The following PDE1A variants were observed in gnomAD, a reference collection of about 807,000 sequenced individuals.
PDE1A encodes phosphodiesterase 1A.
In PDE1A, 35 loss-of-function variants were observed where a neutral mutation model predicts 61.7. The observed-to-expected ratio is 0.57, with a 90% CI of 0.43 to 0.75. The LOEUF is 0.75. PDE1A is among the 30% of genes least tolerant of loss of function. PDE1A has a pLI of 0.00. For synonymous variants in PDE1A, 232 were observed against 213.2 expected (o/e 1.09, Z -0.77); for missense variants, 597 against 630.6 (o/e 0.95, Z 0.57).
chr2:182,575,468 G>A, the PDE1A span, among the ~76,000 whole-genome samples: 1 of 151,548 alleles, frequency 6.6e-6, no homozygotes. Flanking sequence ...GACTCCTGGT[G>A]GCAATGTTCC....
At chr2:182,601,952 C>T in the PDE1A span, among the ~76,000 whole-genome samples, 2 of 152,230 alleles carry the variant, frequency 1.3e-5, no homozygotes, top group Non-Finnish European at 2.9e-5. Flanking sequence ...CCACTCCATT[C>T]CGTGGGACTG....
chr2:182,542,864 A>AATGATTTATGATTATGAAT, the PDE1A span, among the ~76,000 whole-genome samples: 1 of 152,334 alleles, frequency 6.6e-6, no homozygotes, highest in South Asian at 2.1e-4. Flanking sequence ...AAATCACGTT[A>AATGATTTATGATTATGAAT]ATGAAAATAA....
At chr2:182,498,188 T>C (rs138016897) in intron 2 of PDE1A, among the ~76,000 whole-genome samples, 1 of 151,900 alleles carries the variant, frequency 6.6e-6, no homozygotes, top group East Asian at 1.9e-4. Context: ...ACCAAACCTC[T>C]GAGGAAAGCC....
At chr2:182,628,053 TGCACAC>T in the PDE1A span, among the ~76,000 whole-genome samples, 24 of 80,902 alleles carry the variant, frequency 3.0e-4, no homozygotes, top group African/African-American at 1.1e-3. Flanking sequence ...AGTGTATGTG[TGCACAC>T]ACACACACAC....
intron 13 of PDE1A, among the ~76,000 whole-genome samples, chr2:182,176,105 A>AAGTC (rs1188888594): frequency 2.7e-5 from 4 of 148,838 alleles, no homozygotes; most frequent in African/African-American, 1.0e-4. Flanking sequence ...GTATAGTTTG[A>AAGTC]AGTCAGGTAG....
chr2:182,601,831 C>T, the PDE1A span, among the ~76,000 whole-genome samples: 1 of 152,198 alleles, frequency 6.6e-6, no homozygotes. Flanking sequence ...ATTCCATCAT[C>T]TGCTCATCTC....
Position 182,451,762 on chromosome 2 carries a change from T to C in PDE1A, c.101+70514A>G, listed in dbSNP as rs114206921. Among the ~76,000 whole-genome samples, 1,320 of 152,220 alleles carry C rather than the reference T, an allele frequency of 8.7e-3. 19 individuals carry two copies. The highest frequency in any genetic ancestry group is 0.03 in the African/African-American group (1,241 of 41,558). On this transcript the variant is annotated intron_variant, in intron 2 of 14. Transcript: ENST00000410103. ...AGCAAACTGAGGATGCTCAGAGTTG[T>C]GCAGTACCGCTTCCCATGCAGCTCT...
chr2:182,200,313 C>T (rs1574662676), intron 10 of PDE1A, among the ~76,000 whole-genome samples: 1 of 152,238 alleles, frequency 6.6e-6, no homozygotes, highest in African/African-American at 2.4e-5. Context: ...CAGAAACCAA[C>T]CACATGATTA....
chr2:182,409,201 G>T (rs901457373), intron 1 of PDE1A, among the ~76,000 whole-genome samples: 1 of 151,726 alleles, frequency 6.6e-6, no homozygotes, highest in Non-Finnish European at 1.5e-5. Flanking sequence ...TTTCCACGTC[G>T]ATTAGCACCT....
At chr2:182,200,152 G>A (rs1686494891) in intron 10 of PDE1A, among the ~76,000 whole-genome samples, 1 of 152,174 alleles carries the variant, frequency 6.6e-6, no homozygotes, top group South Asian at 2.1e-4. Flanking sequence ...GTGGGACTGT[G>A]ATATAATAAA....
At chr2:182,700,949 C>T in the PDE1A span, among the ~76,000 whole-genome samples, 2,057 of 151,994 alleles carry the variant, frequency 0.014, 29 homozygotes, top group South Asian at 0.055. Flanking sequence ...TCATTAAATG[C>T]ATGTCCTAAT....
chr2:182,568,483 G>A, the PDE1A span, among the ~76,000 whole-genome samples: 7 of 151,746 alleles, frequency 4.6e-5, 1 homozygote, highest in African/African-American at 1.2e-4. Context: ...TCGAGACAGC[G>A]GTGAAACCCC....
At chr2:182,225,740 T>C (rs1228207273) in intron 6 of PDE1A, among the ~76,000 whole-genome samples, 1 of 139,644 alleles carries the variant, frequency 7.2e-6, no homozygotes, top group African/African-American at 3.4e-5. Flanking sequence ...ATAAATGGCA[T>C]TTTGCTAGGA....
the PDE1A span, among the ~76,000 whole-genome samples, chr2:182,683,696 A>G: frequency 6.6e-6 from 1 of 152,240 alleles, no homozygotes; most frequent in Non-Finnish European, 1.5e-5. Flanking sequence ...AAAAATAACA[A>G]GTAGGAAAAA....
chr2:182,488,826 T>A (rs1274249792), intron 2 of PDE1A, among the ~76,000 whole-genome samples: 1 of 152,200 alleles, frequency 6.6e-6, no homozygotes, highest in South Asian at 2.1e-4. Flanking sequence ...ACAATTTGAA[T>A]GTATAGATGC....
At chr2:182,606,847 G>A in the PDE1A span, among the ~76,000 whole-genome samples, 80 of 152,268 alleles carry the variant, frequency 5.3e-4, no homozygotes, top group Middle Eastern at 0.01. Flanking sequence ...AAAGGGAAGA[G>A]CAAGTACAAA....
chr2:182,499,240 G>A (rs1474945126), intron 2 of PDE1A, among the ~76,000 whole-genome samples: 19 of 135,472 alleles, frequency 1.4e-4, no homozygotes, highest in Non-Finnish European at 3.0e-4. Context: ...GCAGTGGCGC[G>A]ATCTCGGCTC....
intron 1 of PDE1A, among the ~76,000 whole-genome samples, chr2:182,288,388 G>C (rs529489649): frequency 6.6e-6 from 1 of 152,178 alleles, no homozygotes; most frequent in South Asian, 2.1e-4. Flanking sequence ...TGGACTACAA[G>C]AAACTGCAGT....
intron 7 of PDE1A, among the ~76,000 whole-genome samples, chr2:182,221,505 A>G (rs1688725355): frequency 6.6e-6 from 1 of 152,088 alleles, no homozygotes; most frequent in African/African-American, 2.4e-5. Context: ...TACTCTGCAA[A>G]TATGGGTAGA....
Sources: allele counts gnomAD v4.1 joint callset (sites outside exome capture counted in the v4.1 genomes callset), GRCh38; gene constraint gnomAD v4.1.1; transcripts MANE v1.5; gene names NCBI Gene and HGNC (gene_info 2026-07-23, HGNC 2026-07-21).